RNF144A: variants seen among roughly 807,000 people sequenced by gnomAD.
The protein encoded by RNF144A is E3 ubiquitin-protein ligase RNF144A.
A neutral mutation model predicts 38.7 loss-of-function variants in RNF144A; 11 were observed. That is an observed-to-expected ratio of 0.28 (90% confidence interval 0.18 to 0.47). The LOEUF is 0.47. Among genes scored for constraint, RNF144A ranks in the 20% least tolerant of loss-of-function variants. RNF144A has a pLI of 0.99. For missense variants in RNF144A, 316 were observed against 377.2 expected, an observed-to-expected ratio of 0.84 and a Z score of 1.34; for synonymous variants, 149 against 143.9, an observed-to-expected ratio of 1.04 and a Z score of -0.25.
intron 6 of RNF144A, among the ~76,000 whole-genome samples, chr2:7,052,431 A>G (rs1401416440): frequency 1.3e-5 from 2 of 152,242 alleles, no homozygotes; most frequent in Non-Finnish European, 2.9e-5. Flanking sequence ...AATGAAAATT[A>G]GTGACCCATG....
chr2:6,930,014 T>C (rs1387987230), intron 1 of RNF144A, among the ~76,000 whole-genome samples: 1 of 152,238 alleles, frequency 6.6e-6, no homozygotes, highest in Non-Finnish European at 1.5e-5. Flanking sequence ...TAAGGAAAGA[T>C]GCATTATTTT....
intron 2 of RNF144A, among the ~76,000 whole-genome samples, chr2:6,984,120 C>T (rs919719826): frequency 2.0e-5 from 3 of 152,134 alleles, no homozygotes; most frequent in Non-Finnish European, 4.4e-5. Flanking sequence ...CTCCCTCTCC[C>T]TGCCTCATTT....
Position 7,044,047 on chromosome 2 carries a change from CATATGGAAAAAGTTTGATTT to C in RNF144A, c.*4288_*4307del. ...AATGTTGTGTTTTGTACTCTGGAAT[CATATGGAAAAAGTTTGATTT>C]GTAATTTCAATACATATTTTAAATG... On this transcript the variant is annotated 3_prime_UTR_variant, in exon 9 of 9. Transcript: ENST00000320892. 1.0e-6 allele frequency: 1 copy of C among 985,760 alleles called. No individual in the cohort carries two copies. Among genetic ancestry groups the C allele is most frequent in the Non-Finnish European group, 1.2e-6 (1 of 829,894 alleles). The allele number at this position is 985,760 out of a possible 1,614,324, so 61.1% of individuals were successfully genotyped here. A position where few individuals can be genotyped will look rare whatever the true frequency, so the allele number is the denominator to read the frequency against.
chr2:7,000,046 G>A (rs574090604), intron 3 of RNF144A, among the ~76,000 whole-genome samples: 3 of 152,308 alleles, frequency 2.0e-5, no homozygotes, highest in Admixed American at 6.5e-5. Context: ...GACTGGCCTA[G>A]CAATTGCTAA....
At position 7,040,652 on chromosome 2, in the gene RNF144A, G is replaced by A. The variant is rs1323202512; in HGVS notation, c.*892G>A. The A allele has an allele frequency of 4.1e-5, 40 of 985,404 alleles. No individual in the cohort carries two copies. Among genetic ancestry groups the A allele is most frequent in the Non-Finnish European group, 4.8e-5 (40 of 829,924 alleles). 61.0% of individuals were successfully genotyped at this position (985,404 alleles called of 1,614,324 possible). A position where few individuals can be genotyped will look rare whatever the true frequency, so the allele number is the denominator to read the frequency against. Reference sequence around the variant, plus strand: ...CTTTGCTCGGCAATGGTTCTCCTCCGAATTGCTGCCGTCTGGCCTCTGGCC... The same window carrying A: ...CTTTGCTCGGCAATGGTTCTCCTCCAAATTGCTGCCGTCTGGCCTCTGGCC... On this transcript the variant is annotated 3_prime_UTR_variant, in exon 9 of 9. Coordinates refer to ENST00000320892, the MANE Select transcript of RNF144A (RefSeq NM_014746.6).
intron 2 of RNF144A, among the ~76,000 whole-genome samples, chr2:6,955,174 A>T (rs1666924299): frequency 6.6e-6 from 1 of 152,214 alleles, no homozygotes; most frequent in Admixed American, 6.5e-5. Flanking sequence ...ATGAACACTT[A>T]AAGGAAATCA....
At chr2:6,984,377 A>G (rs775415692) in intron 2 of RNF144A, among the ~76,000 whole-genome samples, 39 of 151,366 alleles carry the variant, frequency 2.6e-4, no homozygotes, top group Non-Finnish European at 4.7e-4. Context: ...ATCTCAGCTC[A>G]CTGCAACCTC....
At chr2:7,028,880 C>T (rs1426473198) in intron 7 of RNF144A, among the ~76,000 whole-genome samples, 1 of 152,198 alleles carries the variant, frequency 6.6e-6, no homozygotes, top group Non-Finnish European at 1.5e-5. Flanking sequence ...CCCCAGCCCC[C>T]AGCCAAAGCC....
chr2:6,923,427 G>A (rs1397923403), intron 1 of RNF144A, among the ~76,000 whole-genome samples: 5 of 152,280 alleles, frequency 3.3e-5, no homozygotes, highest in South Asian at 2.1e-4. Flanking sequence ...GTGAGCCCGC[G>A]GGTTGAGTGT....
intron 2 of RNF144A, among the ~76,000 whole-genome samples, chr2:6,986,729 C>T (rs1469630764): frequency 6.6e-6 from 1 of 152,044 alleles, no homozygotes; most frequent in African/African-American, 2.4e-5. Flanking sequence ...ATGACTATGT[C>T]CCTAGCAAAA....
In RNF144A at chr2:6,944,689, A is replaced by G. The variant is rs1219208859; in HGVS notation, c.-12+3542A>G. Among the ~76,000 whole-genome samples, 1 of 152,074 alleles carries G rather than the reference A, an allele frequency of 6.6e-6. No homozygotes were observed. The highest frequency in any genetic ancestry group is 1.5e-5 in the Non-Finnish European group (1 of 68,014). Reference sequence around the variant, plus strand: ...TCTCCTCAGGTGTGAGGGAGACATTAAAGAACCCTGGAGAAAACACATCAC... The same window carrying G: ...TCTCCTCAGGTGTGAGGGAGACATTGAAGAACCCTGGAGAAAACACATCAC... On this transcript the variant is annotated intron_variant, in intron 2 of 8. Transcript: ENST00000320892. This position sits in a 1 kb window ranked among gnomAD's most constrained non-coding sequence, Gnocchi z 4.7.
At chr2:6,987,928 C>T (rs1437870239) in intron 2 of RNF144A, among the ~76,000 whole-genome samples, 1 of 152,140 alleles carries the variant, frequency 6.6e-6, no homozygotes, top group Non-Finnish European at 1.5e-5. Context: ...GTTTTATGGG[C>T]TCCTTGGGCC....
rs150910053 is a variant in RNF144A, at chr2:6,979,590, G to A, written c.-11-17326G>A. Among the ~76,000 whole-genome samples the A allele has an allele frequency of 7.2e-5, 11 of 152,048 alleles. No individual in the cohort carries two copies. The East Asian group carries it at 1.9e-3, about 27-fold the overall frequency. On this transcript the variant is annotated intron_variant, in intron 2 of 8. Transcript: ENST00000320892. ...AGTATTTCGAAAGGTGAAACAATCAGATTAGCAATTACATCTTTGGTGGGG... is the reference window on the plus strand; with the variant it reads ...AGTATTTCGAAAGGTGAAACAATCAAATTAGCAATTACATCTTTGGTGGGG...
intron 1 of RNF144A, among the ~76,000 whole-genome samples, chr2:6,938,115 A>G (rs1267851422): frequency 6.6e-6 from 1 of 152,168 alleles, no homozygotes; most frequent in Non-Finnish European, 1.5e-5. Context: ...GTAGTGTTGC[A>G]GTCCTGATGA....
In RNF144A at chr2:7,014,562, T is replaced by C. The variant is rs749264591; in HGVS notation, c.240+4T>C. ...GGGCCACCTACAGGAGAACGAGGCA[T>C]GTGCAATTGAACAGACTGGGCTGTT... is the stretch of plus-strand genomic sequence containing the variant. On this transcript the variant is annotated splice_donor_region_variant and intron_variant, in intron 4 of 8. Transcript: ENST00000320892. 3.1e-5 allele frequency: 49 copies of C among 1,592,226 alleles called. No individual in the cohort carries two copies. The Admixed American group carries it at 8.2e-4, about 27-fold the overall frequency.
intron 2 of RNF144A, among the ~76,000 whole-genome samples, chr2:6,942,030 T>G (rs1666026841): frequency 6.6e-6 from 1 of 152,236 alleles, no homozygotes; most frequent in African/African-American, 2.4e-5. Context: ...TCATTTTAAA[T>G]GGCTTACTCT....
intron 6 of RNF144A, chr2:7,062,977 T>C (rs1674037587): frequency 6.6e-6 from 1 of 152,204 alleles, no homozygotes; most frequent in Admixed American, 6.5e-5. Flanking sequence ...ATTTTTGACC[T>C]GAGTACTGAG....
chr2:7,049,215 G>A (rs945242321), intron 6 of RNF144A, among the ~76,000 whole-genome samples: 1 of 152,176 alleles, frequency 6.6e-6, no homozygotes, highest in African/African-American at 2.4e-5. Flanking sequence ...GCAGAGGAGG[G>A]TAAGGGATGA....
chr2:6,961,326 GA>G (rs966107158), intron 2 of RNF144A, among the ~76,000 whole-genome samples: 7 of 151,852 alleles, frequency 4.6e-5, no homozygotes, highest in East Asian at 3.9e-4. Flanking sequence ...ATATGACCAG[GA>G]AAAAAAATTA....
Sources: allele counts gnomAD v4.1 joint callset (sites outside exome capture counted in the v4.1 genomes callset), GRCh38; gene constraint gnomAD v4.1.1; non-coding constraint Gnocchi (gnomAD v3.1); transcripts MANE v1.5; gene names NCBI Gene and HGNC (gene_info 2026-07-23, HGNC 2026-07-21).